ARHGAP15: variants seen among roughly 807,000 people sequenced by gnomAD.
ARHGAP15 encodes rho GTPase-activating protein 15.
ARHGAP15 carries 51 observed loss-of-function variants against 63.7 expected under a neutral mutation model. The ratio of observed to expected loss-of-function variants is 0.80; its 90% CI spans 0.64 to 1.01. The LOEUF is 1.01. ARHGAP15 is among the 50% of genes least tolerant of loss of function. The pLI is 0.00. For missense variants in ARHGAP15, 560 were observed against 564.6 expected, an observed-to-expected ratio of 0.99 and a Z score of 0.08; for synonymous variants, 191 against 193.8, an observed-to-expected ratio of 0.99 and a Z score of 0.12.
chr2:143,408,173 C>T (rs1261045834), intron 6 of ARHGAP15, among the ~76,000 whole-genome samples: 1 of 149,350 alleles, frequency 6.7e-6, no homozygotes, highest in Non-Finnish European at 1.5e-5. Flanking sequence ...ACTATTTAAT[C>T]TGAAGAAAGT....
intron 6 of ARHGAP15, among the ~76,000 whole-genome samples, chr2:143,328,978 C>CA (rs1410782144): frequency 1.3e-5 from 2 of 152,194 alleles, no homozygotes; most frequent in African/African-American, 2.4e-5. Context: ...GTGGTACCCA[C>CA]AAAAATTAAG....
At chr2:143,219,427 C>T (rs919598537) in intron 4 of ARHGAP15, among the ~76,000 whole-genome samples, 4 of 152,222 alleles carry the variant, frequency 2.6e-5, no homozygotes, top group African/African-American at 4.8e-5. Context: ...TTAAGTGAAG[C>T]ATGACTGTAT....
intron 3 of ARHGAP15, among the ~76,000 whole-genome samples, chr2:143,203,654 A>C (rs1187630732): frequency 6.6e-6 from 1 of 152,078 alleles, no homozygotes; most frequent in Non-Finnish European, 1.5e-5. Context: ...CATTTTCCTC[A>C]CATGACTACC....
At chr2:143,521,387 T>C (rs1477979374) in intron 10 of ARHGAP15, among the ~76,000 whole-genome samples, 4 of 152,212 alleles carry the variant, frequency 2.6e-5, no homozygotes, top group African/African-American at 9.6e-5. Context: ...AATATTCTTA[T>C]ATTTATACAC....
intron 11 of ARHGAP15, among the ~76,000 whole-genome samples, chr2:143,623,339 C>A (rs1391681171): frequency 6.6e-6 from 1 of 152,116 alleles, no homozygotes; most frequent in African/African-American, 2.4e-5. Context: ...GATTTACTTT[C>A]TTTAGTATTT....
intron 6 of ARHGAP15, among the ~76,000 whole-genome samples, chr2:143,431,427 T>C (rs1689384440): frequency 6.6e-6 from 1 of 152,130 alleles, no homozygotes; most frequent in South Asian, 2.1e-4. Context: ...ATGTTTATTA[T>C]GTGCTTTGAG....
chr2:143,565,219 T>C (rs1247353846), intron 11 of ARHGAP15, among the ~76,000 whole-genome samples: 1 of 152,164 alleles, frequency 6.6e-6, no homozygotes, highest in Non-Finnish European at 1.5e-5. Context: ...CAGAGAGATG[T>C]TATCTTCTTT....
intron 12 of ARHGAP15, among the ~76,000 whole-genome samples, chr2:143,689,033 T>C (rs1301399417): frequency 3.9e-5 from 6 of 152,168 alleles, no homozygotes; most frequent in Non-Finnish European, 8.8e-5. Context: ...ATTTTTCAAA[T>C]GTTCTGGTTT....
At chr2:143,358,570 G>A (rs1484096211) in intron 6 of ARHGAP15, among the ~76,000 whole-genome samples, 5 of 150,340 alleles carry the variant, frequency 3.3e-5, no homozygotes, top group Non-Finnish European at 7.4e-5. Flanking sequence ...TTAGGAAAAG[G>A]CACTTATTTT....
intron 2 of ARHGAP15, among the ~76,000 whole-genome samples, chr2:143,175,209 T>C (rs1187240453): frequency 1.3e-5 from 2 of 152,114 alleles, no homozygotes; most frequent in Non-Finnish European, 2.9e-5. Context: ...CTGAGAGTCT[T>C]GGGAAGACTC....
intron 6 of ARHGAP15, among the ~76,000 whole-genome samples, chr2:143,383,506 G>A (rs1239386286): frequency 2.0e-5 from 3 of 152,048 alleles, no homozygotes; most frequent in Admixed American, 6.6e-5. Context: ...AATCCAAATC[G>A]TCTCTCTCGG....
chr2:143,210,034 T>G (rs1053545894), intron 3 of ARHGAP15, among the ~76,000 whole-genome samples: 1 of 152,102 alleles, frequency 6.6e-6, no homozygotes, highest in African/African-American at 2.4e-5. Context: ...TAGACTGAAA[T>G]TAAGTTATAA....
chr2:143,591,654 C>G (rs558090935), intron 11 of ARHGAP15, among the ~76,000 whole-genome samples: 21 of 135,762 alleles, frequency 1.5e-4, no homozygotes, highest in East Asian at 1.0e-3. Flanking sequence ...AAGTCTTGCT[C>G]TTGTCCCCCA....
intron 11 of ARHGAP15, among the ~76,000 whole-genome samples, chr2:143,599,024 T>G (rs1240326784): frequency 6.6e-6 from 1 of 151,878 alleles, no homozygotes; most frequent in Non-Finnish European, 1.5e-5. Flanking sequence ...GAGAAATATA[T>G]TAAACATTGG....
At chr2:143,186,642 AAT>A (rs1457233666) in intron 2 of ARHGAP15, among the ~76,000 whole-genome samples, 1 of 152,264 alleles carries the variant, frequency 6.6e-6, no homozygotes, top group Admixed American at 6.5e-5. Context: ...TTTCCCTGAA[AAT>A]ATCCCCTAAA....
At chr2:143,260,894 CA>C (rs975689318) in intron 6 of ARHGAP15, among the ~76,000 whole-genome samples, 10 of 152,102 alleles carry the variant, frequency 6.6e-5, no homozygotes, top group African/African-American at 2.4e-4. Flanking sequence ...AGGATATGAA[CA>C]ACAACAACAA....
At chr2:143,338,843 A>G (rs1684927632) in intron 6 of ARHGAP15, among the ~76,000 whole-genome samples, 1 of 152,126 alleles carries the variant, frequency 6.6e-6, no homozygotes, top group Non-Finnish European at 1.5e-5. Flanking sequence ...ACCCTTTACA[A>G]GCTATTCAAC....
At chr2:143,341,234 C>T (rs1355186453) in intron 6 of ARHGAP15, among the ~76,000 whole-genome samples, 2 of 151,982 alleles carry the variant, frequency 1.3e-5, no homozygotes, top group African/African-American at 2.4e-5. Flanking sequence ...CTTTTTCTTT[C>T]GTATTCATTA....
intron 2 of ARHGAP15, among the ~76,000 whole-genome samples, chr2:143,173,944 G>C (rs1306719812): frequency 6.6e-6 from 1 of 152,016 alleles, no homozygotes; most frequent in African/African-American, 2.4e-5. Flanking sequence ...GGGTCGTTCC[G>C]AGTTTTATTC....
Sources: gnomAD v4.1 joint callset for allele counts (sites outside exome capture counted in the v4.1 genomes callset) on GRCh38, gnomAD v4.1.1 for gene constraint, MANE v1.5 for transcripts, NCBI Gene and HGNC (gene_info 2026-07-23, HGNC 2026-07-21) for gene names.